NPSR1: variants seen among roughly 807,000 people sequenced by gnomAD.
NPSR1 encodes neuropeptide S receptor.
Under a neutral mutation model 46.9 loss-of-function variants are expected in NPSR1, and 48 were observed. That is an observed-to-expected ratio of 1.02 (90% CI 0.81 to 1.30). NPSR1 has a LOEUF of 1.30. NPSR1 is among the 50% of genes most tolerant of loss of function. The pLI is 0.00. For missense variants in NPSR1, 450 were observed against 449.5 expected, an observed-to-expected ratio of 1.00 and a Z score of -0.01; for synonymous variants, 176 against 168.1, an observed-to-expected ratio of 1.05 and a Z score of -0.36.
At chr7:34,721,629 T>C (rs1178549706) in intron 2 of NPSR1, among the ~76,000 whole-genome samples, 1 of 152,234 alleles carries the variant, frequency 6.6e-6, no homozygotes, top group Non-Finnish European at 1.5e-5. Context: ...AAATTATGTA[T>C]TTATAATATG....
At chr7:34,700,310 T>TAAC (rs1793757210) in intron 2 of NPSR1, among the ~76,000 whole-genome samples, 1 of 152,144 alleles carries the variant, frequency 6.6e-6, no homozygotes, top group Non-Finnish European at 1.5e-5. Flanking sequence ...AGTGCAACGA[T>TAAC]TGTACTGGGT....
chr7:34,745,093 C>T (rs1407853918), intron 2 of NPSR1, among the ~76,000 whole-genome samples: 1 of 152,108 alleles, frequency 6.6e-6, no homozygotes, highest in Non-Finnish European at 1.5e-5. Flanking sequence ...TCCATGGAAA[C>T]CAATAACCCC....
chr7:34,814,508 C>T (rs934700521), intron 4 of NPSR1, among the ~76,000 whole-genome samples: 5 of 152,244 alleles, frequency 3.3e-5, no homozygotes, highest in Admixed American at 6.5e-5. Context: ...CAGACTTAAA[C>T]GTCCCTGTTC....
chr7:34,704,258 T>C (rs1045272291), intron 2 of NPSR1: 6 of 152,336 alleles, frequency 3.9e-5, no homozygotes, highest in South Asian at 2.1e-4. Flanking sequence ...AGTGAAAATA[T>C]TGAAGACTGA....
chr7:34,743,541 AGCAAT>A, intron 2 of NPSR1, among the ~76,000 whole-genome samples: 1 of 152,042 alleles, frequency 6.6e-6, no homozygotes, highest in South Asian at 2.1e-4. Context: ...CCTGGGTTCA[AGCAAT>A]TCTCTGTCTC....
intron 2 of NPSR1, among the ~76,000 whole-genome samples, chr7:34,686,673 T>G (rs1188370471): frequency 6.6e-6 from 1 of 152,154 alleles, no homozygotes; most frequent in Non-Finnish European, 1.5e-5. Flanking sequence ...TATCTCATCT[T>G]TCTGAGCTCC....
chr7:34,693,481 TA>T (rs1283112195), intron 2 of NPSR1, among the ~76,000 whole-genome samples: 2 of 152,004 alleles, frequency 1.3e-5, no homozygotes, highest in African/African-American at 4.8e-5. Flanking sequence ...TAGCAAGTAA[TA>T]AAATCACATC....
At chr7:34,860,157 G>A (rs1791155158) in intron 8 of NPSR1, among the ~76,000 whole-genome samples, 2 of 151,796 alleles carry the variant, frequency 1.3e-5, no homozygotes, top group South Asian at 4.1e-4. Context: ...AGCCAAGTTG[G>A]GAAATATGGC....
chr7:34,830,002 C>G (rs1175353471), intron 5 of NPSR1, among the ~76,000 whole-genome samples: 1 of 152,218 alleles, frequency 6.6e-6, no homozygotes, highest in African/African-American at 2.4e-5. Flanking sequence ...TCGTGGCTCC[C>G]TGCTGCTGAA....
chr7:34,765,569 A>T (rs1786388789), intron 2 of NPSR1, among the ~76,000 whole-genome samples: 1 of 152,222 alleles, frequency 6.6e-6, no homozygotes. Context: ...ATTACTGGGC[A>T]TATACCCAAA....
intron 2 of NPSR1, among the ~76,000 whole-genome samples, chr7:34,768,189 C>G (rs1220435214): frequency 6.6e-6 from 1 of 152,098 alleles, no homozygotes; most frequent in African/African-American, 2.4e-5. Flanking sequence ...GACTTCTTAT[C>G]TGAAGCAATT....
chr7:34,778,717 A>G lies in NPSR1; in HGVS notation c.384+152A>G, dbSNP rs1787094646. The stretch of plus-strand genomic sequence containing the variant: ...AAGGGCAATGAAAATTTGATTTTTA[A>G]TGTATTTCCTTTGCTAAAAATAGTA... On this transcript the variant is annotated intron_variant, in intron 3 of 8. Coordinates refer to ENST00000360581, the MANE Select transcript of NPSR1 (RefSeq NM_207172.2). 3 of 548,758 alleles carry G rather than the reference A, an allele frequency of 5.5e-6. No homozygotes were observed. In the South Asian group the frequency reaches 7.7e-5, roughly 14 times the overall value. 34.0% of individuals were successfully genotyped at this position (548,758 alleles called of 1,614,324 possible).
chr7:34,864,451 CCTT>C lies in NPSR1; in HGVS notation c.1026-13622_1026-13620del, dbSNP rs1791264085. On this transcript the variant is annotated intron_variant, in intron 8 of 8. Coordinates refer to the NPSR1 transcript ENST00000359791. The stretch of plus-strand genomic sequence containing the variant: ...GATGTTCCAAATTTGAATATAAACT[CCTT>C]CTCATCATGAATTTTCTGAAATTAA... Among the ~76,000 whole-genome samples the C allele has an allele frequency of 1.3e-5, 2 of 151,110 alleles. 1 individual carries two copies. Among genetic ancestry groups the C allele is most frequent in the African/African-American group, 4.9e-5 (2 of 40,860 alleles).
At chr7:34,733,503 C>A (rs1249152436) in intron 2 of NPSR1, among the ~76,000 whole-genome samples, 1 of 151,752 alleles carries the variant, frequency 6.6e-6, no homozygotes, top group African/African-American at 2.4e-5. Context: ...ATAGCCTATC[C>A]TGCAAAATAA....
chr7:34,664,270 T>C (rs2128670294), intron 1 of NPSR1, among the ~76,000 whole-genome samples: 1 of 152,280 alleles, frequency 6.6e-6, no homozygotes, highest in South Asian at 2.1e-4. Flanking sequence ...GCACTTTACT[T>C]CCACCGGTGT....
rs576449617 is a variant in NPSR1 at position 34,709,304 on chromosome 7, T to A, written c.280+24620T>A. On this transcript the variant is annotated intron_variant, in intron 2 of 8. Transcript: ENST00000360581. Reference sequence around the variant, plus strand: ...ATTACTGACTCCATTCTGACTGAACTCTGCCAAAAACTCTTAACATTAATA... The same window carrying A: ...ATTACTGACTCCATTCTGACTGAACACTGCCAAAAACTCTTAACATTAATA... Among the ~76,000 whole-genome samples, 3 of 152,318 alleles carry A rather than the reference T, an allele frequency of 2.0e-5. No individual in the cohort carries two copies. The South Asian group carries it at 6.2e-4, about 32-fold the overall frequency.
intron 2 of NPSR1, among the ~76,000 whole-genome samples, chr7:34,701,171 GATTATTT>G (rs1793809906): frequency 1.3e-5 from 2 of 152,122 alleles, no homozygotes; most frequent in South Asian, 2.1e-4. Flanking sequence ...TTCATATATT[GATTATTT>G]TGAGCTGATA....
chr7:34,869,107 G>A (rs1410203656), intron 8 of NPSR1, among the ~76,000 whole-genome samples: 1 of 151,756 alleles, frequency 6.6e-6, no homozygotes, highest in Non-Finnish European at 1.5e-5. Context: ...GGGGAAATGA[G>A]TCCCACAACA....
At chr7:34,761,244 T>C (rs1034499673) in intron 2 of NPSR1, 5 of 152,482 alleles carry the variant, frequency 3.3e-5, no homozygotes, top group Non-Finnish European at 7.3e-5. Flanking sequence ...CATCAGAGCC[T>C]GACATTAACC....
Sources: allele counts gnomAD v4.1 joint callset (sites outside exome capture counted in the v4.1 genomes callset), GRCh38; gene constraint gnomAD v4.1.1; transcripts MANE v1.5; gene names NCBI Gene and HGNC (gene_info 2026-07-23, HGNC 2026-07-21).